Variants in SYNM observed in about 807,000 individuals in gnomAD.
The protein encoded by SYNM is synemin.
SYNM carries 95 observed loss-of-function variants against 104.0 expected under a neutral mutation model. The observed-to-expected ratio is 0.91, with a 90% CI of 0.77 to 1.08. The LOEUF is 1.08. Among genes scored for constraint, SYNM ranks in the 50% least tolerant of loss-of-function variants. SYNM has a pLI of 0.00. For synonymous variants in SYNM, 918 were observed against 869.0 expected, an observed-to-expected ratio of 1.06 and a Z score of -0.99; for missense variants, 2,150 against 2,052.2, an observed-to-expected ratio of 1.05 and a Z score of -0.92.
At chr15:99,122,408 A>G (rs1213564764) in intron 2 of SYNM, among the ~76,000 whole-genome samples, 1 of 152,154 alleles carries the variant, frequency 6.6e-6, no homozygotes, top group African/African-American at 2.4e-5. Context: ...GGGTTTCCTC[A>G]AGGTTTTGCA....
chr15:99,115,467 CTA>C (rs1567276622), intron 2 of SYNM, among the ~76,000 whole-genome samples: 3 of 99,118 alleles, frequency 3.0e-5, no homozygotes, highest in Non-Finnish European at 4.2e-5. Context: ...TTATTTTATT[CTA>C]TTTTTTTTTT....
At chr15:99,140,851 G>T in the SYNM span, 1 of 152,310 alleles carries the variant, frequency 6.6e-6, no homozygotes, top group African/African-American at 2.4e-5. Flanking sequence ...ACAGAAATGA[G>T]AAAGGTTTAA....
chr15:99,141,219 G>A, the SYNM span, among the ~76,000 whole-genome samples: 1 of 151,910 alleles, frequency 6.6e-6, no homozygotes, highest in African/African-American at 2.4e-5. Context: ...TATTATATAT[G>A]TATGTGATAT....
rs1242814522 is a variant in SYNM at position 99,132,482 on chromosome 15, T to G, written c.4122T>G (p.Ser1374Arg). 1 of 1,613,906 alleles carries G rather than the reference T, an allele frequency of 6.2e-7. No individual in the cohort carries two copies. The highest frequency in any genetic ancestry group is 8.5e-7 in the Non-Finnish European group (1 of 1,179,896). Residue 1374 changes from serine to arginine, a missense_variant, in exon 4 of 4, where the codon AGT becomes AGG. Transcript: ENST00000336292. ...TVMTEKSTFQ[S>R]VVSESPQEDS... is the part of the protein sequence containing the mutation. ...TGACTGAAAAGAGCACCTTCCAAAG[T>G]GTCGTTTCTGAATCTCCCCAGGAGG...
chr15:99,106,438 C>T (rs2067244803), intron 1 of SYNM, among the ~76,000 whole-genome samples: 1 of 152,204 alleles, frequency 6.6e-6, no homozygotes, highest in Non-Finnish European at 1.5e-5. Flanking sequence ...GTCTATAGCG[C>T]TCCTCAGGGG....
In SYNM at chr15:99,133,096, C is replaced by T. The variant is rs782273702; in HGVS notation, c.*38C>T. ...TTTTGTTTTAATGGCAGCCTGTTGG[C>T]GACGTGCCAACATCCAAAGGCCTTA... On this transcript the variant is annotated 3_prime_UTR_variant, in exon 4 of 4. Transcript: ENST00000336292. 2.2e-5 allele frequency: 35 copies of T among 1,601,882 alleles called. No individual in the cohort carries two copies. Among genetic ancestry groups the T allele is most frequent in the South Asian group, 8.9e-5 (8 of 89,754 alleles).
intron 1 of SYNM, among the ~76,000 whole-genome samples, chr15:99,109,365 A>C (rs1004948693): frequency 6.6e-6 from 1 of 152,160 alleles, no homozygotes; most frequent in Non-Finnish European, 1.5e-5. Flanking sequence ...GACCAGCTTC[A>C]CCCTGCAAAC....
Position 99,130,154 on chromosome 15 carries a change from G to T in SYNM, c.1794G>T (p.Thr598=). 2 of 1,613,918 alleles carry T rather than the reference G, an allele frequency of 1.2e-6. No homozygotes were observed. The highest frequency in any genetic ancestry group is 1.7e-6 in the Non-Finnish European group (2 of 1,179,892). Residue 598 remains threonine (T), a synonymous_variant, in exon 4 of 4, where the codon ACG becomes ACT. Transcript: ENST00000336292. ...RAEVSPKGLQ[T]PVKDAGGGTG... The stretch of plus-strand genomic sequence containing the variant: ...AGGTGTCCCCGAAAGGTTTGCAGAC[G>T]CCTGTGAAGGATGCTGGTGGTGGGA...
chr15:99,136,339 A>G (rs1171727449), downstream of SYNM: 1 of 152,214 alleles, frequency 6.6e-6, no homozygotes, highest in Non-Finnish European at 1.5e-5. Flanking sequence ...CAGAATTCAC[A>G]TTTATTTCAA....
chr15:99,140,619 C>T, the SYNM span: 1 of 152,316 alleles, frequency 6.6e-6, no homozygotes, highest in African/African-American at 2.4e-5. Flanking sequence ...ATCCACCTGC[C>T]TTGGCCTCCC....
chr15:99,126,269 C>T (rs1365588467), intron 2 of SYNM, among the ~76,000 whole-genome samples: 1 of 152,228 alleles, frequency 6.6e-6, no homozygotes. Flanking sequence ...CCTCTGCAAG[C>T]TGCCCCCACC....
At chr15:99,115,180 G>A (rs930690628) in intron 2 of SYNM, among the ~76,000 whole-genome samples, 4 of 152,180 alleles carry the variant, frequency 2.6e-5, no homozygotes, top group African/African-American at 9.7e-5. Flanking sequence ...TCCGTTCCCA[G>A]GATTGTGGAA....
rs1351622295 is a variant in SYNM at position 99,105,646 on chromosome 15, A to T, written c.447A>T (p.Glu149Asp). The stretch of plus-strand genomic sequence containing the variant: ...GCCGAGGCCTCGACGCGGCCCACGA[A>T]CGCGACGTGAGGGAGCTGCGCGCGC... ...AERRGLDAAH[E>D]RDVRELRARA... is the part of the protein sequence containing the mutation. Residue 149 changes from glutamate to aspartate, a missense_variant, in exon 1 of 4, where the codon GAA becomes GAT. Coordinates refer to ENST00000336292, the MANE Select transcript of SYNM (RefSeq NM_145728.3). The T allele has an allele frequency of 7.3e-7, 1 of 1,369,524 alleles. No individual in the cohort carries two copies. 84.8% of individuals were successfully genotyped at this position (1,369,524 alleles called of 1,614,324 possible).
At chr15:99,122,045 C>G (rs750959525) in intron 2 of SYNM, among the ~76,000 whole-genome samples, 1 of 152,224 alleles carries the variant, frequency 6.6e-6, no homozygotes, top group Non-Finnish European at 1.5e-5. Flanking sequence ...GGAGGCCTTA[C>G]CTCGGCAGAT....
At chr15:99,137,998 A>C, downstream of SYNM, 2 of 1,614,006 alleles carry the variant, frequency 1.2e-6, no homozygotes, top group Non-Finnish European at 1.7e-6. Flanking sequence ...AGGCTTTTTC[A>C]GGGTGGGGGC....
rs5030694 is a variant in SYNM, at chr15:99,131,196, C to T, written c.2836C>T (p.Arg946Trp). 135 of 1,608,474 alleles carry T rather than the reference C, an allele frequency of 8.4e-5. No homozygotes were observed. Among genetic ancestry groups the T allele is most frequent in the African/African-American group, 1.1e-4 (8 of 74,942 alleles). The change falls in exon 4 of 4, where the codon CGG becomes TGG. Residue 946 changes from arginine (R) to tryptophan (W), a missense_variant. Transcript: ENST00000336292. This position sits in a 1 kb window ranked among gnomAD's most constrained non-coding sequence, Gnocchi z 4.3. Reference protein sequence around the residue: ...SMKGISSKEPRQQLVEVIGQL... With the variant: ...SMKGISSKEPWQQLVEVIGQL... The stretch of plus-strand genomic sequence containing the variant: ...GAAGGGCATCTCCTCCAAGGAGCCC[C>T]GGCAGCAGCTGGTGGAGGTCATCGG...
At chr15:99,119,587 C>T (rs947516749) in intron 2 of SYNM, among the ~76,000 whole-genome samples, 3 of 152,154 alleles carry the variant, frequency 2.0e-5, no homozygotes, top group Admixed American at 6.5e-5. Context: ...GCGGCAGTCC[C>T]CTTAGAGCTG....
intron 3 of SYNM, among the ~76,000 whole-genome samples, chr15:99,128,296 G>C (rs1362326020): frequency 6.6e-6 from 1 of 152,200 alleles, no homozygotes; most frequent in Non-Finnish European, 1.5e-5. Context: ...TTGCCCGCTA[G>C]CCGGTGGACC....
Position 99,130,940 on chromosome 15 carries a change from C to T in SYNM, c.2580C>T (p.Thr860=). The part of the protein sequence containing the change: ...YGQIHIEEES[T]IRYSWQDEIV... The stretch of plus-strand genomic sequence containing the variant: ...AGATCCACATCGAGGAGGAATCCAC[C>T]ATCAGGTACTCTTGGCAGGATGAAA... Residue 860 remains threonine, a synonymous_variant, in exon 4 of 4, where the codon ACC becomes ACT. Transcript: ENST00000336292. 1 of 1,613,802 alleles carries T rather than the reference C, an allele frequency of 6.2e-7. No individual in the cohort carries two copies. Among genetic ancestry groups the T allele is most frequent in the Non-Finnish European group, 8.5e-7 (1 of 1,179,814 alleles).
Sources: gnomAD v4.1 joint callset for allele counts (sites outside exome capture counted in the v4.1 genomes callset) on GRCh38, gnomAD v4.1.1 for gene constraint, Gnocchi (gnomAD v3.1) non-coding constraint, MANE v1.5 for transcripts, NCBI Gene and HGNC (gene_info 2026-07-23, HGNC 2026-07-21) for gene names.